Variants in AGL observed in about 807,000 individuals in gnomAD.
AGL encodes the protein amylo-alpha-1,6-glucosidase and 4-alpha-glucanotransferase.
A neutral mutation model predicts 199.3 loss-of-function variants in AGL; 128 were observed. The observed-to-expected ratio is 0.64, with a 90% CI of 0.56 to 0.74. The LOEUF (loss-of-function observed/expected upper bound fraction) is 0.74, where lower values mean the gene tolerates loss of function less well. Among genes scored for constraint, AGL ranks in the 30% least tolerant of loss-of-function variants. The pLI is 0.00. For synonymous variants in AGL, 584 were observed against 594.7 expected, an observed-to-expected ratio of 0.98 and a Z score of 0.26; for missense variants, 1,809 against 1,820.8, an observed-to-expected ratio of 0.99 and a Z score of 0.12.
Position 99,865,415 on chromosome 1 carries a change from C to T in AGL, c.664+826C>T, listed in dbSNP as rs181699334. Among the ~76,000 whole-genome samples the T allele has an allele frequency of 7.9e-5, 12 of 152,248 alleles. 1 individual carries two copies. Among genetic ancestry groups the T allele is most frequent in the South Asian group, 2.1e-4 (1 of 4,824 alleles). The stretch of plus-strand genomic sequence containing the variant: ...AAGTTGTATTTGGAAATTATGTCTT[C>T]TACATGTTAAAAGAGCTTATTAAAT... On this transcript the variant is annotated intron_variant, in intron 5 of 33. Coordinates refer to ENST00000361915, the MANE Select transcript of AGL (RefSeq NM_000642.3).
intron 2 of AGL, among the ~76,000 whole-genome samples, chr1:99,857,457 A>G (rs933626130): frequency 1.3e-5 from 2 of 152,184 alleles, no homozygotes; most frequent in African/African-American, 4.8e-5. Context: ...AGGCCAAGGC[A>G]GGCGGCTGGG....
At chr1:99,898,711 C>T (rs1031107286) in intron 25 of AGL, among the ~76,000 whole-genome samples, 2 of 152,056 alleles carry the variant, frequency 1.3e-5, no homozygotes, top group Non-Finnish European at 2.9e-5. Context: ...GCTTCTGGGG[C>T]CTCTCCAGGA....
chr1:99,915,928 C>G (rs189109340), intron 31 of AGL, among the ~76,000 whole-genome samples: 1 of 152,074 alleles, frequency 6.6e-6, no homozygotes, highest in Non-Finnish European at 1.5e-5. Context: ...TATTCAGTTG[C>G]TATTTGTAAT....
Position 99,875,266 on chromosome 1 carries a change from AT to A in AGL, c.1185+15del. 1 of 1,613,164 alleles carries A rather than the reference AT, an allele frequency of 6.2e-7. No homozygotes were observed. Among genetic ancestry groups the A allele is most frequent in the Non-Finnish European group, 8.5e-7 (1 of 1,179,124 alleles). Reference sequence around the variant, plus strand: ...CTATCATCAGGAACAGGTTTTACTTATTTTTGAACTGCTGCTTTTCCTTGCA... The same window carrying A: ...CTATCATCAGGAACAGGTTTTACTTATTTTGAACTGCTGCTTTTCCTTGCA... On this transcript the variant is annotated intron_variant, in intron 9 of 33. Coordinates refer to ENST00000361915, the MANE Select transcript of AGL (RefSeq NM_000642.3).
At chr1:99,902,576 C>A in intron 26 of AGL, 107 bp from the exon 27 acceptor site, 1 of 927,400 alleles carries the variant, frequency 1.1e-6, no homozygotes, top group Non-Finnish European at 1.8e-6. Context: ...CTATTTCTCA[C>A]TTCAAAGGAA....
intron 5 of AGL, among the ~76,000 whole-genome samples, chr1:99,865,345 A>T (rs1012168732): frequency 3.9e-5 from 6 of 152,226 alleles, no homozygotes; most frequent in Non-Finnish European, 8.8e-5. Flanking sequence ...GAAAAAACTG[A>T]ATGACTTCTA....
chr1:99,890,641 GAAA>G (rs142036034), intron 21 of AGL, among the ~76,000 whole-genome samples: 5,523 of 105,870 alleles, frequency 0.052, 141 homozygotes, highest in South Asian at 0.073. Flanking sequence ...GAAGGATTAA[GAAA>G]AAAAAAATAT....
At chr1:99,916,853 A>G in intron 33 of AGL, 122 bp downstream of exon 33, 1 of 1,059,038 alleles carries the variant, frequency 9.4e-7, no homozygotes, top group Non-Finnish European at 1.4e-6. Context: ...TGAAAAGTGA[A>G]GCCTTTATTC....
chr1:99,852,077 C>A (rs985329884), intron 2 of AGL, among the ~76,000 whole-genome samples: 1 of 152,032 alleles, frequency 6.6e-6, no homozygotes, highest in Non-Finnish European at 1.5e-5. Flanking sequence ...CTTGGTGTCT[C>A]TTACTAGGCT....
In AGL at chr1:99,875,208, G is replaced by A. The variant is rs1208595973; in HGVS notation, c.1137G>A (p.Glu379=). The change falls in exon 9 of 34, where the codon GAG becomes GAA. Residue 379 remains glutamate, a synonymous_variant. Coordinates refer to ENST00000361915, the MANE Select transcript of AGL (RefSeq NM_000642.3). The part of the protein sequence containing the change: ...ECCNWFHKRM[E]ELNSEKHRLI... Reference sequence around the variant, plus strand: ...GTAATTGGTTTCATAAAAGAATGGAGGAATTAAATTCAGAGAAGCATCGAC... The same window carrying A: ...GTAATTGGTTTCATAAAAGAATGGAAGAATTAAATTCAGAGAAGCATCGAC... 2.5e-6 allele frequency: 4 copies of A among 1,614,046 alleles called. No homozygotes were observed. The African/African-American group carries it at 5.3e-5, about 22-fold the overall frequency.
At chr1:99,872,437 A>T (rs1651097035) in intron 7 of AGL, among the ~76,000 whole-genome samples, 1 of 152,224 alleles carries the variant, frequency 6.6e-6, no homozygotes, top group African/African-American at 2.4e-5. Context: ...TTTCACAGCA[A>T]GTTATACCAA....
rs1653320552 is a variant in AGL, at chr1:99,896,353, T to G, written c.3327T>G (p.Gly1109=). The change falls in exon 25 of 34, where the codon GGT becomes GGG. Residue 1109 remains glycine (G), a synonymous_variant. Transcript: ENST00000361915. ...WGRDTFIALR[G]ILLITGRYVE... ...GGGATACTTTTATTGCACTTAGAGG[T>G]ATACTGCTGATTACTGGACGCTATG... is the stretch of plus-strand genomic sequence containing the variant. 6.2e-7 allele frequency: 1 copy of G among 1,613,974 alleles called. No individual in the cohort carries two copies. Among genetic ancestry groups the G allele is most frequent in the South Asian group, 1.1e-5 (1 of 91,078 alleles).
In AGL at chr1:99,902,663, AC is replaced by A; in HGVS notation, c.3589-17del. 1 of 1,561,592 alleles carries A rather than the reference AC, an allele frequency of 6.4e-7. No individual in the cohort carries two copies. Among genetic ancestry groups the A allele is most frequent in the Non-Finnish European group, 8.8e-7 (1 of 1,132,460 alleles). ...AAATGTAATTTCTAACAGAGGTAACACCCATTATGTCTCAAACAGGATCAGC... is the reference window on the plus strand; with the variant it reads ...AAATGTAATTTCTAACAGAGGTAACACCATTATGTCTCAAACAGGATCAGC... On this transcript the variant is annotated intron_variant, in intron 26 of 33. Coordinates refer to ENST00000361915, the MANE Select transcript of AGL (RefSeq NM_000642.3).
At chr1:99,855,230 C>T (rs778095564) in intron 2 of AGL, among the ~76,000 whole-genome samples, 20 of 151,800 alleles carry the variant, frequency 1.3e-4, no homozygotes, top group Non-Finnish European at 2.4e-4. Flanking sequence ...AAAGAGAGGA[C>T]AAAGTATGAG....
At chr1:99,902,661 A>AC in intron 26 of AGL, 22 bp from the exon 27 acceptor site, 1 of 1,550,632 alleles carries the variant, frequency 6.4e-7, no homozygotes. Flanking sequence ...AACAGAGGTA[A>AC]CACCCATTAT....
intron 4 of AGL, among the ~76,000 whole-genome samples, chr1:99,864,117 TAGGC>T (rs1441504980): frequency 6.6e-6 from 1 of 152,222 alleles, no homozygotes; most frequent in Non-Finnish European, 1.5e-5. Flanking sequence ...AATTTTCTAA[TAGGC>T]AGTGTGTGTG....
At position 99,896,392 on chromosome 1, in the gene AGL, G is replaced by A; in HGVS notation, c.3362+4G>A. ...CTGGACGCTATGTAGAAGCCAGGTA[G>A]GAGAGCCTCTAAAGTGTTGTACTGC... On this transcript the variant is annotated splice_donor_region_variant and intron_variant, in intron 25 of 33. Coordinates refer to ENST00000361915, the MANE Select transcript of AGL (RefSeq NM_000642.3). 3 of 1,603,972 alleles carry A rather than the reference G, an allele frequency of 1.9e-6. No individual in the cohort carries two copies. The highest frequency in any genetic ancestry group is 2.6e-6 in the Non-Finnish European group (3 of 1,170,840).
At chr1:99,878,421 C>T (rs922757345) in intron 12 of AGL, among the ~76,000 whole-genome samples, 3 of 151,782 alleles carry the variant, frequency 2.0e-5, no homozygotes, top group Non-Finnish European at 2.9e-5. Context: ...CTAGCCTCAT[C>T]GATTTAATTT....
At chr1:99,873,207 A>T (rs1039213712) in intron 7 of AGL, among the ~76,000 whole-genome samples, 6 of 152,144 alleles carry the variant, frequency 3.9e-5, no homozygotes, top group Non-Finnish European at 5.9e-5. Flanking sequence ...GAAGATATTT[A>T]ACTTGATTTG....
Sources: allele counts gnomAD v4.1 joint callset (sites outside exome capture counted in the v4.1 genomes callset), GRCh38; gene constraint gnomAD v4.1.1; transcripts MANE v1.5; gene names NCBI Gene and HGNC (gene_info 2026-07-23, HGNC 2026-07-21).